The following ILKAP variants were observed in gnomAD, a reference collection of about 807,000 sequenced individuals.
ILKAP encodes the protein integrin-linked kinase-associated serine/threonine phosphatase 2C.
Under a neutral mutation model 49.1 loss-of-function variants are expected in ILKAP, and 11 were observed. That is an observed-to-expected ratio of 0.22 (90% confidence interval 0.14 to 0.37). The LOEUF is 0.37. Among genes scored for constraint, ILKAP ranks in the 10% least tolerant of loss-of-function variants. The probability of loss-of-function intolerance (pLI) is 1.00; values close to 1 mark genes in which losing one functional copy is unlikely to be tolerated. For synonymous variants in ILKAP, 186 were observed against 192.8 expected, an observed-to-expected ratio of 0.96 and a Z score of 0.29; for missense variants, 363 against 510.8, an observed-to-expected ratio of 0.71 and a Z score of 2.79.
chr2:238,173,397 TTTTG>T, intron 10 of ILKAP, 133 bp downstream of exon 10: 1 of 1,127,938 alleles, frequency 8.9e-7, no homozygotes, highest in Non-Finnish European at 1.2e-6. Flanking sequence ...AGAAACCACA[TTTTG>T]TTTATCTCTG....
At chr2:238,175,504 C>T (rs1380790578) in intron 9 of ILKAP, among the ~76,000 whole-genome samples, 3 of 152,154 alleles carry the variant, frequency 2.0e-5, no homozygotes, top group Non-Finnish European at 2.9e-5. Flanking sequence ...CGTTTGGTAA[C>T]GATGAGGCAA....
chr2:238,181,947 A>C, intron 9 of ILKAP, 118 bp downstream of exon 9: 1 of 1,072,320 alleles, frequency 9.3e-7, no homozygotes, highest in South Asian at 1.5e-5. Flanking sequence ...GATCTCAGAC[A>C]GAGCCTCGTC....
At chr2:238,176,135 CTT>C (rs55849458) in intron 9 of ILKAP, among the ~76,000 whole-genome samples, 62 of 98,000 alleles carry the variant, frequency 6.3e-4, no homozygotes, top group Non-Finnish European at 3.7e-4. Context: ...CAAGTAGTGG[CTT>C]TTTTTTTTTT....
chr2:238,196,203 G>T (rs1261554356), intron 1 of ILKAP, among the ~76,000 whole-genome samples: 98 of 143,560 alleles, frequency 6.8e-4, no homozygotes, highest in African/African-American at 2.3e-3. Flanking sequence ...CTATTCTCCT[G>T]CCCCAGCCTC....
At chr2:238,203,451 C>G (rs1694662403) in intron 1 of ILKAP, 48 bp downstream of exon 1, 1 of 1,145,702 alleles carries the variant, frequency 8.7e-7, no homozygotes, top group South Asian at 2.3e-5. Context: ...CCGCCCCCAT[C>G]CCGCCTGCTC....
chr2:238,176,672 GA>G, intron 9 of ILKAP, among the ~76,000 whole-genome samples: 1 of 152,350 alleles, frequency 6.6e-6, no homozygotes, highest in Non-Finnish European at 1.5e-5. Flanking sequence ...TCCAGAGAGA[GA>G]GAGAGAGACT....
intron 10 of ILKAP, among the ~76,000 whole-genome samples, chr2:238,171,661 T>A (rs1191831161): frequency 6.6e-6 from 1 of 152,136 alleles, no homozygotes. Context: ...AAAACATGGG[T>A]GTTATGGTAA....
chr2:238,185,257 A>G lies in ILKAP; in HGVS notation c.456T>C (p.Asp152=), dbSNP rs1182805226. ...TTGAGGCTCGAATTCCTCCATGTCC[A>G]TCAAAAACAGCAAAATATGAAACCC... is the stretch of plus-strand genomic sequence containing the variant. ...ITRVSYFAVF[D]GHGGIRASKF... is the part of the protein sequence containing the mutation. Residue 152 remains aspartate, a synonymous_variant, in exon 6 of 12, where the codon GAT becomes GAC. Coordinates refer to ENST00000254654, the MANE Select transcript of ILKAP (RefSeq NM_030768.3). The G allele has an allele frequency of 3.7e-6, 6 of 1,613,256 alleles. No homozygotes were observed. Among genetic ancestry groups the G allele is most frequent in the Non-Finnish European group, 5.1e-6 (6 of 1,179,326 alleles).
In ILKAP at chr2:238,182,082, C is replaced by T. The variant is rs199619868; in HGVS notation, c.819G>A (p.Lys273=). 1.2e-6 allele frequency: 2 copies of T among 1,613,702 alleles called. No homozygotes were observed. Among genetic ancestry groups the T allele is most frequent in the East Asian group, 2.2e-5 (1 of 44,856 alleles). The change falls in exon 9 of 12, where the codon AAG becomes AAA. Residue 273 remains lysine, a synonymous_variant. Coordinates refer to ENST00000254654, the MANE Select transcript of ILKAP (RefSeq NM_030768.3). The part of the protein sequence containing the change: ...TQYEERMRIQ[K]AGGNVRDGRV... ...TTGGTTACCTGACGTTTCCTCCAGC[C>T]TTCTGTATCCTCATCCGCTCTTCAT...
rs543900683 is a variant in ILKAP at position 238,178,127 on chromosome 2, C to G, written c.836+3938G>C. Among the ~76,000 whole-genome samples, 3 of 152,302 alleles carry G rather than the reference C, an allele frequency of 2.0e-5. No homozygotes were observed. In the East Asian group the frequency reaches 5.8e-4, roughly 29 times the overall value. On this transcript the variant is annotated intron_variant, in intron 9 of 11. Coordinates refer to ENST00000254654, the MANE Select transcript of ILKAP (RefSeq NM_030768.3). ...TTTGCGCACAGTGCCAACAGTACTG[C>G]TTTAGTGAGGTATATCTAAGGACAA...
At chr2:238,188,568 G>A (rs1035987275) in intron 4 of ILKAP, 14 of 217,444 alleles carry the variant, frequency 6.4e-5, no homozygotes, top group Admixed American at 1.1e-4. Flanking sequence ...CCATCCCAGA[G>A]AAGTGAGATT....
chr2:238,174,616 C>T (rs1693367438), intron 9 of ILKAP, among the ~76,000 whole-genome samples: 1 of 152,214 alleles, frequency 6.6e-6, no homozygotes, highest in Admixed American at 6.5e-5. Context: ...AGAATTCAGC[C>T]TGGCCCTTCT....
intron 4 of ILKAP, 88 bp from the exon 5 acceptor site, chr2:238,188,345 G>T: frequency 6.8e-7 from 1 of 1,467,878 alleles, no homozygotes; most frequent in Non-Finnish European, 9.2e-7. Flanking sequence ...AGGGAACTAT[G>T]ACTGTCTGAC....
At chr2:238,202,082 G>A (rs1289760269) in intron 1 of ILKAP, among the ~76,000 whole-genome samples, 1 of 152,146 alleles carries the variant, frequency 6.6e-6, no homozygotes, top group Non-Finnish European at 1.5e-5. Flanking sequence ...AAAATTAGCC[G>A]GGTGTGGTGG....
chr2:238,177,034 C>T (rs1174377768), intron 9 of ILKAP, among the ~76,000 whole-genome samples: 2 of 152,210 alleles, frequency 1.3e-5, no homozygotes, highest in Non-Finnish European at 2.9e-5. Context: ...AATTTAAATG[C>T]TATATGTAAA....
chr2:238,189,796 T>G lies in ILKAP; in HGVS notation c.298+57A>C, dbSNP rs1442664129. The G allele has an allele frequency of 3.2e-6, 5 of 1,550,082 alleles. No homozygotes were observed. In the African/African-American group the frequency reaches 4.1e-5, roughly 13 times the overall value. On this transcript the variant is annotated intron_variant, in intron 4 of 11. Transcript: ENST00000254654. ...ATTAGAAAGCTGAAACTGGTTTTGC[T>G]CTGGGTTGTTTTAAAATATGAAGTC...
At chr2:238,202,800 C>T (rs1176107999) in intron 1 of ILKAP, among the ~76,000 whole-genome samples, 2 of 151,558 alleles carry the variant, frequency 1.3e-5, no homozygotes, top group Non-Finnish European at 2.9e-5. Context: ...AACCACAGCC[C>T]ACAGGGACTC....
intron 9 of ILKAP, among the ~76,000 whole-genome samples, chr2:238,174,310 T>G (rs1693352503): frequency 6.6e-6 from 1 of 152,184 alleles, no homozygotes. Flanking sequence ...ACAGTCCTAT[T>G]GCCAAGGAAA....
chr2:238,177,783 G>C (rs764022575), intron 9 of ILKAP, among the ~76,000 whole-genome samples: 3 of 152,188 alleles, frequency 2.0e-5, no homozygotes, highest in Non-Finnish European at 4.4e-5. Context: ...TGTGAACACA[G>C]GTATGCAAAT....
Sources: gnomAD v4.1 joint callset for allele counts (sites outside exome capture counted in the v4.1 genomes callset) on GRCh38, gnomAD v4.1.1 for gene constraint, MANE v1.5 for transcripts, NCBI Gene and HGNC (gene_info 2026-07-23, HGNC 2026-07-21) for gene names.